The following ZNRF1 variants were observed in gnomAD, a reference collection of about 807,000 sequenced individuals.
ZNRF1 encodes zinc and ring finger 1, also known as E3 ubiquitin-protein ligase ZNRF1.
In ZNRF1, 3 loss-of-function variants were observed where a neutral mutation model predicts 18.4. The ratio of observed to expected loss-of-function variants is 0.16; its 90% CI spans 0.07 to 0.42. ZNRF1 has a LOEUF of 0.42. Among genes scored for constraint, ZNRF1 ranks in the 10% least tolerant of loss-of-function variants. The probability of loss-of-function intolerance (pLI) is 0.99; values close to 1 mark genes in which losing one functional copy is unlikely to be tolerated. For synonymous variants in ZNRF1, 157 were observed against 144.2 expected (o/e 1.09, Z -0.64); for missense variants, 310 against 329.8 (o/e 0.94, Z 0.47).
At chr16:75,019,717 T>C (rs919438005) in intron 1 of ZNRF1, among the ~76,000 whole-genome samples, 1 of 151,752 alleles carries the variant, frequency 6.6e-6, no homozygotes, top group Non-Finnish European at 1.5e-5. Flanking sequence ...TGTTTTGTTC[T>C]GTTTTGTTTT....
chr16:75,056,652 G>GT (rs1336306488), intron 1 of ZNRF1, among the ~76,000 whole-genome samples: 4 of 151,632 alleles, frequency 2.6e-5, no homozygotes, highest in African/African-American at 9.7e-5. Context: ...CTTTGAGACA[G>GT]TTTTCCTCTT....
At chr16:75,043,973 C>T (rs556148787) in intron 1 of ZNRF1, among the ~76,000 whole-genome samples, 1 of 151,728 alleles carries the variant, frequency 6.6e-6, no homozygotes, top group South Asian at 2.1e-4. Context: ...ATTTGTAGTA[C>T]TGGCTAATTT....
intron 2 of ZNRF1, among the ~76,000 whole-genome samples, chr16:75,102,712 C>T (rs1360793088): frequency 1.3e-5 from 2 of 152,208 alleles, no homozygotes; most frequent in Non-Finnish European, 1.5e-5. Context: ...TGTCTCTGTT[C>T]CAAACCTCAG....
intron 1 of ZNRF1, among the ~76,000 whole-genome samples, chr16:75,092,531 A>G (rs1486521505): frequency 6.6e-6 from 1 of 152,268 alleles, no homozygotes; most frequent in East Asian, 1.9e-4. Flanking sequence ...GAATTGATCC[A>G]TTTGAAAATC....
chr16:75,033,963 A>C (rs546911928), intron 1 of ZNRF1, among the ~76,000 whole-genome samples: 1 of 149,170 alleles, frequency 6.7e-6, no homozygotes, highest in Admixed American at 6.8e-5. Flanking sequence ...TCTGGGCAAC[A>C]TGGTGAAACC....
chr16:75,106,238 T>C, intron 3 of ZNRF1: 3 of 522,558 alleles, frequency 5.7e-6, no homozygotes, highest in Non-Finnish European at 1.0e-5. Flanking sequence ...TGCCCCTTCC[T>C]GCAGCACCAG....
rs942148300 is a variant in ZNRF1 at position 75,110,534 on chromosome 16, C to T, written c.*2834C>T. The T allele has an allele frequency of 6.6e-6, 1 of 152,228 alleles. No homozygotes were observed. Among genetic ancestry groups the T allele is most frequent in the Admixed American group, 6.5e-5 (1 of 15,276 alleles). The allele number at this position is 152,228 out of a possible 1,614,324, so 9.4% of individuals were successfully genotyped here. A position where few individuals can be genotyped will look rare whatever the true frequency, so the allele number is the denominator to read the frequency against. On this transcript the variant is annotated 3_prime_UTR_variant, in exon 5 of 5. Coordinates refer to ENST00000335325, the MANE Select transcript of ZNRF1 (RefSeq NM_032268.5). ...GATGCTGGATTATATAGGTGAATGC[C>T]TTCAAGAAATGTGTAATTTAATTCC...
At chr16:75,077,429 G>A (rs2035953770) in intron 1 of ZNRF1, among the ~76,000 whole-genome samples, 6 of 152,228 alleles carry the variant, frequency 3.9e-5, no homozygotes, top group Admixed American at 3.9e-4. Context: ...CTATTCGGGA[G>A]GCCGAGGCAG....
chr16:75,004,855 A>G (rs1567462698), intron 1 of ZNRF1, among the ~76,000 whole-genome samples: 2 of 152,138 alleles, frequency 1.3e-5, no homozygotes, highest in South Asian at 2.1e-4. Context: ...GCTTTAAGCA[A>G]TCCTCCCACC....
rs1249289183 is a variant in ZNRF1 at position 75,097,066 on chromosome 16, G to A, written c.520+3399G>A. On this transcript the variant is annotated intron_variant, in intron 2 of 4. Coordinates refer to ENST00000335325, the MANE Select transcript of ZNRF1 (RefSeq NM_032268.5). ...GTGAGGATACTGTATAAGAGGGAGG[G>A]GGTTCGTTGGTTTGTTTTTGTGGGT... 1.3e-5 allele frequency among the ~76,000 whole-genome samples: 2 copies of A among 152,120 alleles called. 1 individual carries two copies. Among genetic ancestry groups the A allele is most frequent in the African/African-American group, 4.8e-5 (2 of 41,406 alleles).
chr16:75,048,571 G>A (rs541007978), intron 1 of ZNRF1, among the ~76,000 whole-genome samples: 1 of 152,264 alleles, frequency 6.6e-6, no homozygotes, highest in East Asian at 1.9e-4. Context: ...GTTGATGTGG[G>A]TTTCTAGATA....
intron 1 of ZNRF1, among the ~76,000 whole-genome samples, chr16:75,001,673 T>C (rs1170300886): frequency 1.3e-5 from 2 of 152,354 alleles, no homozygotes; most frequent in East Asian, 3.9e-4. Flanking sequence ...TTAAAAGTAC[T>C]GTAAGAAGTT....
At chr16:75,031,333 T>G (rs1187517118) in intron 1 of ZNRF1, among the ~76,000 whole-genome samples, 1 of 151,732 alleles carries the variant, frequency 6.6e-6, no homozygotes, top group Non-Finnish European at 1.5e-5. Context: ...GGTTTCACCA[T>G]GTTGGTCAGG....
At chr16:75,085,650 CAT>C (rs1475517157) in intron 1 of ZNRF1, among the ~76,000 whole-genome samples, 4 of 152,180 alleles carry the variant, frequency 2.6e-5, no homozygotes, top group Admixed American at 6.5e-5. Flanking sequence ...TTCCCTCAAA[CAT>C]ATGTGAGAGT....
At chr16:75,005,228 CTT>C in intron 1 of ZNRF1, among the ~76,000 whole-genome samples, 1 of 152,248 alleles carries the variant, frequency 6.6e-6, no homozygotes, top group Non-Finnish European at 1.5e-5. Context: ...ATTTTTAGCT[CTT>C]TATTACCATG....
intron 1 of ZNRF1, among the ~76,000 whole-genome samples, chr16:75,038,490 C>G (rs1291300113): frequency 6.6e-6 from 1 of 152,192 alleles, no homozygotes; most frequent in Non-Finnish European, 1.5e-5. Context: ...ATGTGGCTTT[C>G]TCCACCTTCC....
chr16:75,071,667 C>A (rs1291684840), intron 1 of ZNRF1, among the ~76,000 whole-genome samples: 2 of 152,156 alleles, frequency 1.3e-5, no homozygotes, highest in Non-Finnish European at 2.9e-5. Context: ...GACTCCAGTG[C>A]TTGATGAAGG....
chr16:75,054,771 C>T (rs74343341), intron 1 of ZNRF1, among the ~76,000 whole-genome samples: 3 of 152,252 alleles, frequency 2.0e-5, no homozygotes, highest in Non-Finnish European at 2.9e-5. Flanking sequence ...TACCTATTCA[C>T]GTGGAGCGTG....
At chr16:75,025,551 A>T (rs1374093680) in intron 1 of ZNRF1, among the ~76,000 whole-genome samples, 1 of 152,144 alleles carries the variant, frequency 6.6e-6, no homozygotes, top group African/African-American at 2.4e-5. Flanking sequence ...ATGAGTTGTT[A>T]TAAGACTACC....
Sources: allele counts gnomAD v4.1 joint callset (sites outside exome capture counted in the v4.1 genomes callset), GRCh38; gene constraint gnomAD v4.1.1; transcripts MANE v1.5; gene names NCBI Gene and HGNC (gene_info 2026-07-23, HGNC 2026-07-21).